The following PCDHGB2 variants were observed in gnomAD, a reference collection of about 807,000 sequenced individuals.
The protein encoded by PCDHGB2 is protocadherin gamma subfamily B, 2.
In PCDHGB2, 55 loss-of-function variants were observed where a neutral mutation model predicts 59.3. That is an observed-to-expected ratio of 0.93 (90% CI 0.75 to 1.16). PCDHGB2 has a LOEUF of 1.16. Among genes scored for constraint, PCDHGB2 ranks in the 50% most tolerant of loss-of-function variants. The pLI is 0.00. For synonymous variants in PCDHGB2, 516 were observed against 512.0 expected (o/e 1.01, Z -0.11); for missense variants, 1,228 against 1,198.5 (o/e 1.02, Z -0.36).
At position 141,360,688 on chromosome 5, in the gene PCDHGB2, A is replaced by T; in HGVS notation, c.553A>T (p.Thr185Ser). ...GTACTTTGATCTCGCTGAGAAACAG[A>T]CTCCAGATGGTCGTAAATATCCTGA... is the stretch of plus-strand genomic sequence containing the variant. Reference protein sequence around the residue: ...NEYFDLAEKQTPDGRKYPELI... With the variant: ...NEYFDLAEKQSPDGRKYPELI... Residue 185 changes from threonine (T) to serine (S), a missense_variant, in exon 1 of 4, where the codon ACT becomes TCT. Physicochemically the swap from Thr to Ser is moderately conservative, Grantham distance 58. Coordinates refer to ENST00000522605, the MANE Select transcript of PCDHGB2 (RefSeq NM_018923.3). The T allele has an allele frequency of 6.2e-7, 1 of 1,613,902 alleles. No homozygotes were observed. Among genetic ancestry groups the T allele is most frequent in the Non-Finnish European group, 8.5e-7 (1 of 1,179,878 alleles).
chr5:141,362,192 C>T lies in PCDHGB2; in HGVS notation c.2057C>T (p.Ala686Val). 6.2e-7 allele frequency: 1 copy of T among 1,614,038 alleles called. No homozygotes were observed. Among genetic ancestry groups the T allele is most frequent in the Non-Finnish European group, 8.5e-7 (1 of 1,179,900 alleles). Reference protein sequence around the residue: ...SDRREPSDPQAKLQFYLVVAL... With the variant: ...SDRREPSDPQVKLQFYLVVAL... ...CGCCGGGAGCCCTCTGACCCCCAGGCAAAACTGCAGTTTTACCTGGTTGTG... is the reference window on the plus strand; with the variant it reads ...CGCCGGGAGCCCTCTGACCCCCAGGTAAAACTGCAGTTTTACCTGGTTGTG... Residue 686 changes from alanine to valine, a missense_variant, in exon 1 of 4, where the codon GCA becomes GTA. By Grantham distance (64) the Ala-to-Val change is moderately conservative. Coordinates refer to ENST00000522605, the MANE Select transcript of PCDHGB2 (RefSeq NM_018923.3).
intron 1 of PCDHGB2, chr5:141,441,249 TA>T (rs981387539): frequency 6.6e-6 from 1 of 152,206 alleles, no homozygotes; most frequent in Non-Finnish European, 1.5e-5. Context: ...ACAAGATCTT[TA>T]AATCACAAGA....
At position 141,409,389 on chromosome 5, in the gene PCDHGB2, C is replaced by G; in HGVS notation, c.2421+46833C>G. On this transcript the variant is annotated intron_variant, in intron 1 of 3. Transcript: ENST00000522605. ...ACAGACATTCCATTCAAGATTTATT[C>G]TTCTTCCAATAACTACTACAAACTG... 6.2e-7 allele frequency: 1 copy of G among 1,614,006 alleles called. No homozygotes were observed. Among genetic ancestry groups the G allele is most frequent in the Admixed American group, 1.7e-5 (1 of 60,020 alleles).
Position 141,489,172 on chromosome 5 carries a change from T to G in PCDHGB2, c.2422-5635T>G. 1 of 1,199,026 alleles carries G rather than the reference T, an allele frequency of 8.3e-7. No individual in the cohort carries two copies. Among genetic ancestry groups the G allele is most frequent in the East Asian group, 2.4e-5 (1 of 42,106 alleles). The allele number at this position is 1,199,026 out of a possible 1,614,324, so 74.3% of individuals were successfully genotyped here. ...ACATAAGAGACTTCAGCTGCTGCATTCCAAGCCCTGGGTCTACCTTGGAGA... is the reference window on the plus strand; with the variant it reads ...ACATAAGAGACTTCAGCTGCTGCATGCCAAGCCCTGGGTCTACCTTGGAGA... On this transcript the variant is annotated intron_variant, in intron 1 of 3. Coordinates refer to ENST00000522605, the MANE Select transcript of PCDHGB2 (RefSeq NM_018923.3). This position sits in a 1 kb window ranked among gnomAD's most constrained non-coding sequence, Gnocchi z 4.5.
At chr5:141,368,172 A>G (rs1160663847) in intron 1 of PCDHGB2, among the ~76,000 whole-genome samples, 2 of 152,230 alleles carry the variant, frequency 1.3e-5, no homozygotes, top group African/African-American at 4.8e-5. Context: ...TCAGCTTCAA[A>G]TAATGACTAA....
chr5:141,407,971 G>A, intron 1 of PCDHGB2: 2 of 717,762 alleles, frequency 2.8e-6, no homozygotes, highest in South Asian at 2.3e-5. Flanking sequence ...AAGCGCTGAC[G>A]CCGGGGATCC....
At chr5:141,422,997 C>T (rs114907564) in intron 1 of PCDHGB2, 28,679 of 1,614,218 alleles carry the variant, frequency 0.018, 311 homozygotes, top group Non-Finnish European at 0.021. Context: ...ACCTGGTGAC[C>T]AAGGTGGTTG....
intron 1 of PCDHGB2, chr5:141,384,826 G>T: frequency 6.2e-7 from 1 of 1,613,472 alleles, no homozygotes; most frequent in Non-Finnish European, 8.5e-7. Context: ...GCAGAGCCTC[G>T]TGGTGGCCGT....
At chr5:141,393,029 G>A in intron 1 of PCDHGB2, 1 of 1,613,754 alleles carries the variant, frequency 6.2e-7, no homozygotes, top group Non-Finnish European at 8.5e-7. Context: ...GAGGTAGGAC[G>A]CAGCTCTTTG....
chr5:141,439,709 A>G (rs2098127560), intron 1 of PCDHGB2: 1 of 152,540 alleles, frequency 6.6e-6, no homozygotes, highest in African/African-American at 2.4e-5. Context: ...TATGGCTCCT[A>G]GTTCTACAAA....
Position 141,490,709 on chromosome 5 carries a change from C to T in PCDHGB2, c.2422-4098C>T. ...GACACTGGGGATAATGCCCGCCTCA[C>T]CTACTCCATTGTAGGAAATCAGGTT... On this transcript the variant is annotated intron_variant, in intron 1 of 3. Transcript: ENST00000522605. This position sits in a 1 kb window ranked among gnomAD's most constrained non-coding sequence, Gnocchi z 5.4. The T allele has an allele frequency of 1.9e-6, 3 of 1,614,218 alleles. No homozygotes were observed. Among genetic ancestry groups the T allele is most frequent in the Non-Finnish European group, 2.5e-6 (3 of 1,180,038 alleles).
chr5:141,427,034 A>G (rs762633589), intron 1 of PCDHGB2: 7 of 457,110 alleles, frequency 1.5e-5, no homozygotes, highest in Non-Finnish European at 2.6e-5. Flanking sequence ...TCAGCCTTAG[A>G]GAGAATGTGC....
rs1762354661 is a variant in PCDHGB2, at chr5:141,362,157, C to T, written c.2022C>T (p.Asp674=). The change falls in exon 1 of 4, where the codon GAC becomes GAT. Residue 674 remains aspartate (D), a synonymous_variant. Transcript: ENST00000522605. ...ATAGCCTGCAAGAGGTATTGCCAGA[C>T]CTCAGCGACCGCCGGGAGCCCTCTG... ...FADSLQEVLP[D]LSDRREPSDP... 2.5e-6 allele frequency: 4 copies of T among 1,614,036 alleles called. No individual in the cohort carries two copies. Among genetic ancestry groups the T allele is most frequent in the Non-Finnish European group, 3.4e-6 (4 of 1,179,906 alleles).
chr5:141,409,018 G>T lies in PCDHGB2; in HGVS notation c.2421+46462G>T, dbSNP rs369210340. The T allele has an allele frequency of 4.0e-5, 64 of 1,613,814 alleles. No individual in the cohort carries two copies. The Admixed American group carries it at 1.1e-3, about 27-fold the overall frequency. ...TGACAGCCACTGACCAGGATGAGGG[G>T]GTCAATGCTGAGATAAACTACTACT... On this transcript the variant is annotated intron_variant, in intron 1 of 3. Transcript: ENST00000522605.
intron 1 of PCDHGB2, chr5:141,412,049 T>C (rs2095532088): frequency 1.3e-5 from 2 of 152,256 alleles, no homozygotes; most frequent in Admixed American, 1.3e-4. Flanking sequence ...AGTGAACTTC[T>C]ATACCCTTTG....
chr5:141,457,949 C>G (rs2098933653), intron 1 of PCDHGB2, among the ~76,000 whole-genome samples: 1 of 152,192 alleles, frequency 6.6e-6, no homozygotes. Flanking sequence ...CTCTGCATGT[C>G]AAGCTTGATT....
At chr5:141,449,016 C>T (rs2098623330) in intron 1 of PCDHGB2, among the ~76,000 whole-genome samples, 1 of 152,008 alleles carries the variant, frequency 6.6e-6, no homozygotes, top group African/African-American at 2.4e-5. Context: ...TTAACAGTTG[C>T]TTAGCATTCC....
chr5:141,497,104 T>C (rs757158984), intron 2 of PCDHGB2, among the ~76,000 whole-genome samples: 44 of 151,910 alleles, frequency 2.9e-4, no homozygotes, highest in Non-Finnish European at 5.9e-4. Context: ...CAGAACTGCT[T>C]GAACCCGGAA....
chr5:141,478,387 C>T, intron 1 of PCDHGB2: 1 of 1,613,642 alleles, frequency 6.2e-7, no homozygotes, highest in Non-Finnish European at 8.5e-7. Context: ...CGCACCTTTA[C>T]CATCAGGTGT....
Sources: allele counts gnomAD v4.1 joint callset (sites outside exome capture counted in the v4.1 genomes callset), GRCh38; gene constraint gnomAD v4.1.1; non-coding constraint Gnocchi (gnomAD v3.1); transcripts MANE v1.5; gene names NCBI Gene and HGNC (gene_info 2026-07-23, HGNC 2026-07-21).